Variants in SMURF2 observed in about 807,000 individuals in gnomAD.
SMURF2 encodes E3 ubiquitin-protein ligase SMURF2.
In SMURF2, 48 loss-of-function variants were observed where a neutral mutation model predicts 109.6. The observed-to-expected ratio is 0.44, with a 90% CI of 0.35 to 0.56. The LOEUF (loss-of-function observed/expected upper bound fraction) is 0.56, where lower values mean the gene tolerates loss of function less well. SMURF2 is among the 20% of genes least tolerant of loss of function. The pLI is 0.01. For missense variants in SMURF2, 575 were observed against 909.0 expected (o/e 0.63, Z 4.72); for synonymous variants, 288 against 317.1 (o/e 0.91, Z 0.97).
At chr17:64,563,924 C>G (rs148759146) in intron 10 of SMURF2, among the ~76,000 whole-genome samples, 1 of 152,182 alleles carries the variant, frequency 6.6e-6, no homozygotes, top group Non-Finnish European at 1.5e-5. Flanking sequence ...AATTGCTGCT[C>G]TTCAAAAGAC....
chr17:64,640,850 C>A (rs1270689791), intron 1 of SMURF2, among the ~76,000 whole-genome samples: 1 of 148,590 alleles, frequency 6.7e-6, no homozygotes, highest in Non-Finnish European at 1.5e-5. Flanking sequence ...ACCAGGGAGT[C>A]GGAGATTGCA....
In SMURF2 at chr17:64,547,727, T is replaced by C. The variant is rs1968978883; in HGVS notation, c.1944A>G (p.Pro648=). 2 of 1,614,138 alleles carry C rather than the reference T, an allele frequency of 1.2e-6. No individual in the cohort carries two copies. Among genetic ancestry groups the C allele is most frequent in the Admixed American group, 3.3e-5 (2 of 60,004 alleles). Residue 648 remains proline, a synonymous_variant, in exon 17 of 19, where the codon CCA becomes CCG. Coordinates refer to ENST00000262435, the MANE Select transcript of SMURF2 (RefSeq NM_022739.4). The surrounding 1 kb of genome is among the most constrained non-coding windows in gnomAD (Gnocchi z 4.2). The stretch of plus-strand genomic sequence containing the variant: ...AGAACCATTTGACAATGTTGCTGTC[T>C]GGTGTACAGTGTTTTAACCGGGTGT... ...KVNTRLKHCT[P]DSNIVKWFWK... is the part of the protein sequence containing the mutation.
chr17:64,601,927 GTA>G (rs138081903), intron 2 of SMURF2, among the ~76,000 whole-genome samples: 13,008 of 145,678 alleles, frequency 0.089, 1,279 homozygotes, highest in African/African-American at 0.25. Context: ...ATATGTGTGT[GTA>G]TATATATATA....
chr17:64,615,334 C>G (rs1329375881), intron 1 of SMURF2, among the ~76,000 whole-genome samples: 1 of 152,268 alleles, frequency 6.6e-6, no homozygotes, highest in African/African-American at 2.4e-5. Flanking sequence ...ACTGTCCCTG[C>G]AACTCAAAAG....
In SMURF2 at chr17:64,606,592, A is replaced by G. The variant is rs782306937; in HGVS notation, c.91+10T>C. 1.6e-5 allele frequency: 24 copies of G among 1,532,506 alleles called. No individual in the cohort carries two copies. Among genetic ancestry groups the G allele is most frequent in the Non-Finnish European group, 2.1e-5 (24 of 1,128,556 alleles). The allele number at this position is 1,532,506 out of a possible 1,614,324, so 94.9% of individuals were successfully genotyped here. On this transcript the variant is annotated intron_variant, in intron 2 of 18. Transcript: ENST00000262435. ...ATACAATACACAAGATTTAAAGTTA[A>G]TTTACTTACGGAAAAAATCCTTTTT...
chr17:64,614,769 G>T (rs904880203), intron 1 of SMURF2, among the ~76,000 whole-genome samples: 1 of 152,180 alleles, frequency 6.6e-6, no homozygotes, highest in African/African-American at 2.4e-5. Flanking sequence ...CACTCACTTT[G>T]TGCCAAGTGC....
intron 1 of SMURF2, among the ~76,000 whole-genome samples, chr17:64,617,376 T>C (rs1236712293): frequency 6.6e-6 from 1 of 152,196 alleles, no homozygotes; most frequent in Non-Finnish European, 1.5e-5. Context: ...ATCTAATTAG[T>C]ATGTTTGATG....
rs60004963 is a variant in SMURF2 at position 64,659,516 on chromosome 17, CTTT to C, written c.52+2310_52+2312del. Among the ~76,000 whole-genome samples, 1,149 of 135,608 alleles carry C rather than the reference CTTT, an allele frequency of 8.5e-3. 7 individuals are homozygous for C. Among genetic ancestry groups the C allele is most frequent in the Middle Eastern group, 0.015 (4 of 268 alleles). The allele number at this position is 135,608 out of a possible 152,430, so 89.0% of individuals were successfully genotyped here. On this transcript the variant is annotated intron_variant, in intron 1 of 18. Coordinates refer to ENST00000262435, the MANE Select transcript of SMURF2 (RefSeq NM_022739.4). ...TCTTAAGGTCTTCACAAAGAATCAA[CTTT>C]TTTTTTTTTTTTTTTTTTAAACAAA...
chr17:64,636,038 T>C (rs1380282978), intron 1 of SMURF2, among the ~76,000 whole-genome samples: 1 of 152,234 alleles, frequency 6.6e-6, no homozygotes, highest in African/African-American at 2.4e-5. Context: ...TATCCCATTG[T>C]GGTTTTCATT....
At chr17:64,583,766 C>T (rs1159731703) in intron 6 of SMURF2, among the ~76,000 whole-genome samples, 1 of 152,074 alleles carries the variant, frequency 6.6e-6, no homozygotes, top group Non-Finnish European at 1.5e-5. Context: ...AAATATTTTC[C>T]ATCAGCCAAA....
At chr17:64,568,240 T>A (rs1969344440) in intron 10 of SMURF2, among the ~76,000 whole-genome samples, 1 of 152,190 alleles carries the variant, frequency 6.6e-6, no homozygotes, top group Non-Finnish European at 1.5e-5. Flanking sequence ...TCCGCCCGCC[T>A]CAGCCTCCCA....
At position 64,591,120 on chromosome 17, in the gene SMURF2, G is replaced by A; in HGVS notation, c.364C>T (p.Pro122Ser). The A allele has an allele frequency of 6.2e-7, 1 of 1,612,706 alleles. No homozygotes were observed. Among genetic ancestry groups the A allele is most frequent in the Non-Finnish European group, 8.5e-7 (1 of 1,179,428 alleles). Residue 122 changes from proline to serine, a missense_variant, in exon 5 of 19, where the codon CCA (proline) becomes TCA (serine). Physicochemically the swap from Pro to Ser is moderately conservative, Grantham distance 74. Coordinates refer to ENST00000262435, the MANE Select transcript of SMURF2 (RefSeq NM_022739.4). ...YQRLDLCKLGPNDNDTVRGQI... is the reference protein window; with the variant it reads ...YQRLDLCKLGSNDNDTVRGQI... ...CCTCTAACTGTATCATTGTCATTTG[G>A]CCCGAGTTTGCATAAATCCAACCTC...
At chr17:64,550,849 CT>C in intron 16 of SMURF2, among the ~76,000 whole-genome samples, 1 of 151,298 alleles carries the variant, frequency 6.6e-6, no homozygotes, top group East Asian at 1.9e-4. Flanking sequence ...CTATCAAATG[CT>C]TTCTTGCAAG....
intron 7 of SMURF2, among the ~76,000 whole-genome samples, chr17:64,582,428 G>A (rs2144639565): frequency 6.6e-6 from 1 of 152,186 alleles, no homozygotes; most frequent in South Asian, 2.1e-4. Flanking sequence ...TAGACTATTT[G>A]TTTTCAGTTA....
chr17:64,599,466 C>T (rs1258366169), intron 2 of SMURF2, among the ~76,000 whole-genome samples: 1 of 152,184 alleles, frequency 6.6e-6, no homozygotes, highest in Non-Finnish European at 1.5e-5. Context: ...GGGAACTCAT[C>T]TGGGCTTTAA....
chr17:64,547,046 T>C lies in SMURF2; in HGVS notation c.2071+554A>G, dbSNP rs1968966315. Among the ~76,000 whole-genome samples the C allele has an allele frequency of 6.6e-6, 1 of 152,132 alleles. No homozygotes were observed. Among genetic ancestry groups the C allele is most frequent in the Non-Finnish European group, 1.5e-5 (1 of 68,020 alleles). Reference sequence around the variant, plus strand: ...ACTGCCACCCAGTGAAGCACCACAATCATTAGCAATATTACCAGCTCCTCC... The same window carrying C: ...ACTGCCACCCAGTGAAGCACCACAACCATTAGCAATATTACCAGCTCCTCC... On this transcript the variant is annotated intron_variant, in intron 17 of 18. Coordinates refer to ENST00000262435, the MANE Select transcript of SMURF2 (RefSeq NM_022739.4). The surrounding 1 kb of genome is among the most constrained non-coding windows in gnomAD (Gnocchi z 4.2).
intron 1 of SMURF2, among the ~76,000 whole-genome samples, chr17:64,638,747 C>G (rs1310040757): frequency 6.6e-6 from 1 of 152,196 alleles, no homozygotes; most frequent in African/African-American, 2.4e-5. Context: ...TGCTAGACAA[C>G]CTCTAGCTAT....
At chr17:64,550,549 G>A (rs558740868) in intron 16 of SMURF2, among the ~76,000 whole-genome samples, 1 of 152,162 alleles carries the variant, frequency 6.6e-6, no homozygotes, top group Admixed American at 6.5e-5. Flanking sequence ...GAAGGCCGAG[G>A]TGGGTGGATT....
intron 1 of SMURF2, among the ~76,000 whole-genome samples, chr17:64,652,508 G>A (rs1555693586): frequency 2.0e-5 from 3 of 152,192 alleles, no homozygotes; most frequent in African/African-American, 7.2e-5. Flanking sequence ...TTTGTTTTGA[G>A]ACAGAATCTC....
Sources: allele counts gnomAD v4.1 joint callset (sites outside exome capture counted in the v4.1 genomes callset), GRCh38; gene constraint gnomAD v4.1.1; non-coding constraint Gnocchi (gnomAD v3.1); transcripts MANE v1.5; gene names NCBI Gene and HGNC (gene_info 2026-07-23, HGNC 2026-07-21).